The following PPARGC1A variants were observed in gnomAD, a reference collection of about 807,000 sequenced individuals.
PPARGC1A encodes the protein peroxisome proliferator-activated receptor gamma coactivator 1-alpha.
In PPARGC1A, 25 loss-of-function variants were observed where a neutral mutation model predicts 88.7. The ratio of observed to expected loss-of-function variants is 0.28; its 90% CI spans 0.21 to 0.39. PPARGC1A has a LOEUF of 0.39. Ranked by LOEUF, PPARGC1A falls within the 10% of genes least tolerant of loss-of-function variation. The pLI is 1.00. For synonymous variants in PPARGC1A, 363 were observed against 355.6 expected, an observed-to-expected ratio of 1.02 and a Z score of -0.24; for missense variants, 880 against 968.7, an observed-to-expected ratio of 0.91 and a Z score of 1.22.
At chr4:23,817,974 G>A (rs1722282733) in intron 7 of PPARGC1A, among the ~76,000 whole-genome samples, 1 of 152,152 alleles carries the variant, frequency 6.6e-6, no homozygotes, top group South Asian at 2.1e-4. Context: ...TGAACTAGTT[G>A]TTATTTCTCT....
At chr4:24,110,998 G>A in the PPARGC1A span, among the ~76,000 whole-genome samples, 4 of 152,046 alleles carry the variant, frequency 2.6e-5, no homozygotes, top group African/African-American at 7.2e-5. Flanking sequence ...ATTTCACACT[G>A]ACTTTGATTT....
the PPARGC1A span, among the ~76,000 whole-genome samples, chr4:24,324,002 G>A: frequency 0.024 from 3,705 of 152,286 alleles, 75 homozygotes; most frequent in Non-Finnish European, 0.036. Context: ...AGAGACAAAA[G>A]AGACACGTTT....
chr4:24,267,144 A>T, the PPARGC1A span, among the ~76,000 whole-genome samples: 1 of 152,196 alleles, frequency 6.6e-6, no homozygotes, highest in Non-Finnish European at 1.5e-5. Context: ...TGCCATTTGC[A>T]AGAGGTTGGG....
chr4:24,464,746 C>T, the PPARGC1A span, among the ~76,000 whole-genome samples: 1 of 152,192 alleles, frequency 6.6e-6, no homozygotes, highest in Non-Finnish European at 1.5e-5. Flanking sequence ...ATTAGAACTA[C>T]ACACCTGCTC....
chr4:23,812,861 G>C lies in PPARGC1A; in HGVS notation c.1905C>G (p.Asp635Glu). 1 of 1,613,912 alleles carries C rather than the reference G, an allele frequency of 6.2e-7. No individual in the cohort carries two copies. The highest frequency in any genetic ancestry group is 8.5e-7 in the Non-Finnish European group (1 of 1,179,984). ...RSPYSRRPRY[D>E]SYEEYQHERL... ...TCTCGTGCTGATATTCCTCGTAGCT[G>C]TCATACCTGGGAAACATAACTTTAT... is the stretch of plus-strand genomic sequence containing the variant. The change falls in exon 10 of 13, where the codon GAC becomes GAG. Residue 635 changes from aspartate to glutamate, a missense_variant. Transcript: ENST00000264867.
intron 7 of PPARGC1A, chr4:23,820,539 C>T (rs1055306907): frequency 5.5e-6 from 2 of 361,646 alleles, no homozygotes; most frequent in African/African-American, 4.3e-5. Context: ...TGAAAATCTC[C>T]ATATGCAATA....
the PPARGC1A span, among the ~76,000 whole-genome samples, chr4:24,013,461 TAAAC>T: frequency 6.6e-6 from 1 of 152,204 alleles, no homozygotes; most frequent in Admixed American, 6.6e-5. Context: ...TATTCATCGT[TAAAC>T]AGTCTATCAA....
At chr4:24,154,797 G>A in the PPARGC1A span, among the ~76,000 whole-genome samples, 2 of 152,206 alleles carry the variant, frequency 1.3e-5, no homozygotes, top group South Asian at 2.1e-4. Context: ...GCGAGACGCA[G>A]ATGTAAAAAC....
chr4:24,247,771 AT>A, the PPARGC1A span, among the ~76,000 whole-genome samples: 2 of 152,122 alleles, frequency 1.3e-5, no homozygotes, highest in Non-Finnish European at 2.9e-5. Flanking sequence ...TGCAGGGCCC[AT>A]TTCACCTACC....
chr4:24,447,253 C>A, the PPARGC1A span, among the ~76,000 whole-genome samples: 1 of 152,222 alleles, frequency 6.6e-6, no homozygotes, highest in Admixed American at 6.5e-5. Context: ...CATCATTGCC[C>A]TGCCCAGCTC....
the PPARGC1A span, among the ~76,000 whole-genome samples, chr4:24,046,877 G>A: frequency 1.3e-5 from 2 of 152,094 alleles, no homozygotes; most frequent in African/African-American, 4.8e-5. Flanking sequence ...ATAGAGTTCT[G>A]GGGCCCTAGC....
chr4:24,430,255 C>CTT, the PPARGC1A span, among the ~76,000 whole-genome samples: 420 of 110,740 alleles, frequency 3.8e-3, 3 homozygotes, highest in African/African-American at 0.012. Context: ...TTTTGTATTT[C>CTT]TTTTTTTTTT....
At chr4:24,202,508 T>G in the PPARGC1A span, among the ~76,000 whole-genome samples, 1 of 152,076 alleles carries the variant, frequency 6.6e-6, no homozygotes, top group Non-Finnish European at 1.5e-5. Context: ...AGTAGAGTGT[T>G]TTGGGGTGAA....
the PPARGC1A span, among the ~76,000 whole-genome samples, chr4:24,210,854 C>A: frequency 0.72 from 109,484 of 152,016 alleles, 41,340 homozygotes; most frequent in Middle Eastern, 0.89. Context: ...ACTCCTGGAA[C>A]CTCTCCCAGT....
the PPARGC1A span, among the ~76,000 whole-genome samples, chr4:24,429,766 C>T: frequency 1.3e-5 from 2 of 151,622 alleles, no homozygotes; most frequent in East Asian, 1.9e-4. Context: ...ATTCACCTGC[C>T]TCAGCCTCCC....
Position 23,793,502 on chromosome 4 carries a change from G to A in PPARGC1A, c.*2320C>T, listed in dbSNP as rs570260230. The A allele has an allele frequency of 2.0e-5, 3 of 152,528 alleles. No homozygotes were observed. The highest frequency in any genetic ancestry group is 1.9e-4 in the East Asian group (1 of 5,180). The allele number at this position is 152,528 out of a possible 1,614,324, so 9.4% of individuals were successfully genotyped here. The stretch of plus-strand genomic sequence containing the variant: ...CTATCAAAATTAGCTGCATTGGCCT[G>A]GGGGTGAAATCCATCTTACAAGATC... On this transcript the variant is annotated 3_prime_UTR_variant, in exon 13 of 13. Transcript: ENST00000264867.
the PPARGC1A span, among the ~76,000 whole-genome samples, chr4:24,311,054 T>C: frequency 2.1e-5 from 3 of 145,840 alleles, no homozygotes; most frequent in African/African-American, 7.5e-5. Context: ...TATTAAGATA[T>C]ACGACATAGA....
the PPARGC1A span, among the ~76,000 whole-genome samples, chr4:23,994,092 G>A: frequency 6.6e-6 from 1 of 152,154 alleles, no homozygotes; most frequent in South Asian, 2.1e-4. Flanking sequence ...CAGGCTATGA[G>A]GTAGCAATAA....
the PPARGC1A span, among the ~76,000 whole-genome samples, chr4:24,325,430 C>G: frequency 5.3e-5 from 8 of 152,214 alleles, no homozygotes; most frequent in Non-Finnish European, 8.8e-5. Flanking sequence ...TTCCAAACGC[C>G]TGAACCGCAG....
Sources: allele counts gnomAD v4.1 joint callset (sites outside exome capture counted in the v4.1 genomes callset), GRCh38; gene constraint gnomAD v4.1.1; transcripts MANE v1.5; gene names NCBI Gene and HGNC (gene_info 2026-07-23, HGNC 2026-07-21).